The following NRXN1 variants were observed in gnomAD, a reference collection of about 807,000 sequenced individuals.
NRXN1 encodes the protein neurexin-1.
A neutral mutation model predicts 150.9 loss-of-function variants in NRXN1; 39 were observed. The ratio of observed to expected loss-of-function variants is 0.26; its 90% CI spans 0.20 to 0.34. The LOEUF (loss-of-function observed/expected upper bound fraction) is 0.34. NRXN1 is among the 10% of genes least tolerant of loss of function. NRXN1 has a pLI of 1.00. For missense variants in NRXN1, 1,815 were observed against 1,949.9 expected (o/e 0.93, Z 1.30); for synonymous variants, 924 against 757.0 (o/e 1.22, Z -3.62).
At chr2:50,614,636 T>TAAA (rs374009480) in intron 8 of NRXN1, among the ~76,000 whole-genome samples, 13,730 of 122,266 alleles carry the variant, frequency 0.11, 674 homozygotes, top group South Asian at 0.14. Context: ...TAAAGTATAA[T>TAAA]AAAAATATAT....
intron 5 of NRXN1, among the ~76,000 whole-genome samples, chr2:50,715,864 A>AAC (rs1695807341): frequency 6.6e-6 from 1 of 152,142 alleles, no homozygotes; most frequent in Admixed American, 6.6e-5. Flanking sequence ...TTGTTGCTTG[A>AAC]ACTCTCAACG....
intron 17 of NRXN1, among the ~76,000 whole-genome samples, chr2:50,403,115 A>T (rs2082507021): frequency 6.6e-6 from 1 of 152,036 alleles, no homozygotes; most frequent in Non-Finnish European, 1.5e-5. Flanking sequence ...AATTCCTACA[A>T]CATCACCTGG....
intron 5 of NRXN1, among the ~76,000 whole-genome samples, chr2:50,718,342 G>A (rs1003972685): frequency 2.0e-5 from 3 of 152,088 alleles, no homozygotes; most frequent in African/African-American, 4.8e-5. Context: ...AGTTGGATGT[G>A]GATCGACACA....
chr2:50,158,195 T>G (rs915668399), intron 18 of NRXN1, among the ~76,000 whole-genome samples: 1 of 151,166 alleles, frequency 6.6e-6, no homozygotes. Flanking sequence ...TTCTAAAAGC[T>G]TAAATAGAAT....
intron 5 of NRXN1, among the ~76,000 whole-genome samples, chr2:50,633,351 A>C (rs1391548172): frequency 6.6e-6 from 1 of 152,116 alleles, no homozygotes; most frequent in Non-Finnish European, 1.5e-5. Flanking sequence ...AAGAAAAAAA[A>C]CTAAAATTAT....
At chr2:50,147,192 C>T (rs560811649) in intron 18 of NRXN1, among the ~76,000 whole-genome samples, 1 of 151,742 alleles carries the variant, frequency 6.6e-6, no homozygotes, top group South Asian at 2.1e-4. Context: ...CTATTTGTTA[C>T]TATTACAATA....
At chr2:50,016,272 AG>A (rs761537053) in intron 21 of NRXN1, among the ~76,000 whole-genome samples, 1 of 152,114 alleles carries the variant, frequency 6.6e-6, no homozygotes, top group Non-Finnish European at 1.5e-5. Flanking sequence ...TACTCACAGA[AG>A]GCAAGATGCC....
At chr2:50,394,046 C>G (rs1558656100) in intron 17 of NRXN1, among the ~76,000 whole-genome samples, 1 of 152,072 alleles carries the variant, frequency 6.6e-6, no homozygotes, top group South Asian at 2.1e-4. Context: ...ATGTCACACG[C>G]TAGTTCTATT....
intron 5 of NRXN1, among the ~76,000 whole-genome samples, chr2:50,890,404 G>C (rs1379534486): frequency 6.6e-6 from 1 of 151,668 alleles, no homozygotes; most frequent in Non-Finnish European, 1.5e-5. Context: ...TAATGAAAGA[G>C]TAAAACATAA....
At chr2:50,653,225 A>G (rs1685899679) in intron 5 of NRXN1, among the ~76,000 whole-genome samples, 2 of 152,076 alleles carry the variant, frequency 1.3e-5, no homozygotes, top group South Asian at 2.1e-4. Context: ...GAGAAAATAA[A>G]TGATTTATGA....
chr2:50,070,922 T>C (rs887713091), intron 19 of NRXN1, among the ~76,000 whole-genome samples: 1 of 152,216 alleles, frequency 6.6e-6, no homozygotes, highest in African/African-American at 2.4e-5. Context: ...ACTATAAATT[T>C]CTCTACTTCC....
chr2:50,765,238 G>T (rs1183645397), intron 5 of NRXN1, among the ~76,000 whole-genome samples: 1 of 151,944 alleles, frequency 6.6e-6, no homozygotes, highest in Non-Finnish European at 1.5e-5. Flanking sequence ...TGCTCCTGTG[G>T]CCAAACCCTA....
chr2:50,407,084 T>C (rs1017736820), intron 17 of NRXN1, among the ~76,000 whole-genome samples: 7 of 152,144 alleles, frequency 4.6e-5, no homozygotes, highest in African/African-American at 1.4e-4. Flanking sequence ...AGTAATGATA[T>C]ACATTTTTTA....
intron 18 of NRXN1, among the ~76,000 whole-genome samples, chr2:50,105,890 C>A (rs531132480): frequency 2.0e-5 from 3 of 151,716 alleles, no homozygotes; most frequent in Non-Finnish European, 4.4e-5. Context: ...TATAAACCAC[C>A]ATTAACTATT....
chr2:50,669,586 G>T (rs973729841), intron 5 of NRXN1, among the ~76,000 whole-genome samples: 5 of 151,438 alleles, frequency 3.3e-5, no homozygotes, highest in Non-Finnish European at 7.4e-5. Flanking sequence ...AATTATTTTG[G>T]GTGACACATA....
At chr2:50,634,748 C>G (rs1051809507) in intron 5 of NRXN1, among the ~76,000 whole-genome samples, 6 of 152,208 alleles carry the variant, frequency 3.9e-5, no homozygotes, top group South Asian at 4.1e-4. Flanking sequence ...TCACCGCCCC[C>G]TCAAGACCTG....
intron 5 of NRXN1, among the ~76,000 whole-genome samples, chr2:50,776,994 G>C (rs1703727933): frequency 6.6e-6 from 1 of 152,050 alleles, no homozygotes; most frequent in South Asian, 2.1e-4. Flanking sequence ...ATTTTGTCTT[G>C]TATCTGCCTG....
chr2:50,659,207 T>C (rs1686933622), intron 5 of NRXN1, among the ~76,000 whole-genome samples: 1 of 152,034 alleles, frequency 6.6e-6, no homozygotes, highest in African/African-American at 2.4e-5. Flanking sequence ...ACTATAAGTA[T>C]ATAAGCAATT....
intron 5 of NRXN1, among the ~76,000 whole-genome samples, chr2:50,818,529 A>G (rs1221675009): frequency 1.3e-5 from 2 of 152,038 alleles, no homozygotes; most frequent in African/African-American, 2.4e-5. Context: ...AAATCAACTC[A>G]TAATAGATTA....
Sources: gnomAD v4.1 joint callset for allele counts (sites outside exome capture counted in the v4.1 genomes callset) on GRCh38, gnomAD v4.1.1 for gene constraint, MANE v1.5 for transcripts, NCBI Gene and HGNC (gene_info 2026-07-23, HGNC 2026-07-21) for gene names.